Variants in MOXD1 observed in about 807,000 individuals in gnomAD.
MOXD1 encodes the protein DBH-like monooxygenase protein 1.
A neutral mutation model predicts 66.6 loss-of-function variants in MOXD1; 62 were observed. The observed-to-expected ratio is 0.93, with a 90% CI of 0.76 to 1.15. The LOEUF is 1.15. MOXD1 is among the 50% of genes most tolerant of loss of function. The pLI, the probability that MOXD1 is intolerant of heterozygous loss-of-function variation, is 0.00. For synonymous variants in MOXD1, 303 were observed against 281.9 expected (o/e 1.07, Z -0.75); for missense variants, 847 against 754.6 (o/e 1.12, Z -1.44).
chr6:132,298,598 C>A (rs1165866220), intron 10 of MOXD1, among the ~76,000 whole-genome samples: 1 of 151,912 alleles, frequency 6.6e-6, no homozygotes, highest in Non-Finnish European at 1.5e-5. Flanking sequence ...GTGATTTGAT[C>A]AATGCTTCAA....
At chr6:132,370,782 A>T (rs1159805061) in intron 4 of MOXD1, among the ~76,000 whole-genome samples, 5 of 152,174 alleles carry the variant, frequency 3.3e-5, no homozygotes, top group African/African-American at 1.2e-4. Flanking sequence ...ACAGCTATGT[A>T]TTCCCAAAAG....
At chr6:132,384,045 G>C (rs1231233988) in intron 1 of MOXD1, among the ~76,000 whole-genome samples, 1 of 152,178 alleles carries the variant, frequency 6.6e-6, no homozygotes, top group African/African-American at 2.4e-5. Context: ...GTCCAGCCTG[G>C]GCGGCAGAGC....
rs181398451 is a variant in MOXD1 at position 132,392,159 on chromosome 6, T to G, written c.264+9004A>C. ...GGTGTGCTTAAAAGAAGCACATCGT[T>G]AACCACAAAGAATGCTCACTGTTTT... On this transcript the variant is annotated intron_variant, in intron 1 of 11. Transcript: ENST00000367963. 2.7e-4 allele frequency: 412 copies of G among 1,532,560 alleles called. 8 individuals are homozygous for G. The East Asian group carries it at 9.9e-3, about 37-fold the overall frequency. 94.9% of individuals were successfully genotyped at this position (1,532,560 alleles called of 1,614,324 possible).
At chr6:132,373,390 C>A (rs931139974) in intron 2 of MOXD1, among the ~76,000 whole-genome samples, 1 of 152,094 alleles carries the variant, frequency 6.6e-6, no homozygotes, top group African/African-American at 2.4e-5. Flanking sequence ...AAATTAAATG[C>A]CATGGAAGAT....
chr6:132,389,764 G>A (rs944160418), intron 1 of MOXD1, among the ~76,000 whole-genome samples: 1 of 151,448 alleles, frequency 6.6e-6, no homozygotes, highest in Non-Finnish European at 1.5e-5. Context: ...TATCCAAAAG[G>A]ATCTGGGTCT....
At chr6:132,321,092 G>A (rs555814003) in intron 8 of MOXD1, among the ~76,000 whole-genome samples, 57 of 152,094 alleles carry the variant, frequency 3.7e-4, no homozygotes, top group African/African-American at 1.2e-3. Flanking sequence ...TGGTGAAACC[G>A]CGTCTCTACT....
chr6:132,401,215 G>A lies in MOXD1; in HGVS notation c.212C>T (p.Ala71Val). ...CCCGCCCACGACGATGTCGGCGGAC[G>A]CCATGGCCCCGGTGGGCGAGAAGCC... ...GFGFSPTGAM[A>V]SADIVVGGVA... Residue 71 changes from alanine (A) to valine (V), a missense_variant, in exon 1 of 12, where the codon GCG becomes GTG. Physicochemically the swap from Ala to Val is moderately conservative, Grantham distance 64. Transcript: ENST00000367963. The A allele has an allele frequency of 6.4e-7, 1 of 1,567,180 alleles. No homozygotes were observed. Among genetic ancestry groups the A allele is most frequent in the East Asian group, 2.4e-5 (1 of 41,978 alleles).
intron 4 of MOXD1, among the ~76,000 whole-genome samples, chr6:132,369,366 C>A (rs1776217269): frequency 6.6e-6 from 1 of 152,106 alleles, no homozygotes; most frequent in Non-Finnish European, 1.5e-5. Context: ...GTGGCCATAA[C>A]TTTTGCAGTC....
intron 4 of MOXD1, among the ~76,000 whole-genome samples, chr6:132,346,045 GTGT>G (rs1775663054): frequency 6.6e-6 from 1 of 150,854 alleles, no homozygotes; most frequent in Non-Finnish European, 1.5e-5. Context: ...TTTTGTTGTT[GTGT>G]TGTTGTTGTG....
intron 4 of MOXD1, among the ~76,000 whole-genome samples, chr6:132,340,928 G>A (rs1775545763): frequency 6.6e-6 from 1 of 152,006 alleles, no homozygotes; most frequent in Non-Finnish European, 1.5e-5. Context: ...TTACAGGCGT[G>A]AGCCACTGCG....
intron 4 of MOXD1, among the ~76,000 whole-genome samples, chr6:132,357,197 T>C (rs140061715): frequency 2.0e-5 from 3 of 152,178 alleles, no homozygotes; most frequent in Admixed American, 2.0e-4. Context: ...GAAGAAGAAA[T>C]AAATTATCCC....
chr6:132,399,280 C>A (rs1338286784), intron 1 of MOXD1, among the ~76,000 whole-genome samples: 2 of 152,004 alleles, frequency 1.3e-5, no homozygotes, highest in Non-Finnish European at 2.9e-5. Flanking sequence ...AGTAAGAAAA[C>A]GATCATCCTT....
intron 4 of MOXD1, among the ~76,000 whole-genome samples, chr6:132,337,039 G>A (rs906927871): frequency 1.3e-5 from 2 of 152,192 alleles, no homozygotes; most frequent in Non-Finnish European, 2.9e-5. Flanking sequence ...ATACCATCAA[G>A]CAAGCACACA....
chr6:132,308,565 A>G (rs1048763332), intron 10 of MOXD1, among the ~76,000 whole-genome samples: 1 of 152,136 alleles, frequency 6.6e-6, no homozygotes, highest in Admixed American at 6.6e-5. Context: ...GAGACACAAC[A>G]AAAAAAGAAA....
At position 132,328,481 on chromosome 6, in the gene MOXD1, G is replaced by T. The variant is rs768285269; in HGVS notation, c.777C>A (p.His259Gln). Residue 259 changes from histidine (H) to glutamine (Q), a missense_variant, in exon 5 of 12, where the codon CAC becomes CAA. Coordinates refer to ENST00000367963, the MANE Select transcript of MOXD1 (RefSeq NM_015529.4). ...SVLESGHECY[H>Q]PNMPDAFLTC... ...TGAGGAATGCATCGGGCATGTTGGG[G>T]TGATAGCACTCGTGGCCGGACTCCA... is the stretch of plus-strand genomic sequence containing the variant. 2 of 1,614,156 alleles carry T rather than the reference G, an allele frequency of 1.2e-6. No individual in the cohort carries two copies. The highest frequency in any genetic ancestry group is 1.1e-5 in the South Asian group (1 of 91,080).
At chr6:132,343,954 A>G (rs1775616833) in intron 4 of MOXD1, among the ~76,000 whole-genome samples, 2 of 152,158 alleles carry the variant, frequency 1.3e-5, no homozygotes, top group African/African-American at 4.8e-5. Flanking sequence ...TAAAACAAGA[A>G]AGTCATATAT....
chr6:132,378,689 C>T (rs1776444502), intron 1 of MOXD1, among the ~76,000 whole-genome samples: 1 of 151,890 alleles, frequency 6.6e-6, no homozygotes, highest in Admixed American at 6.6e-5. Context: ...CAAAAACCAG[C>T]CAAAGTCATT....
intron 4 of MOXD1, among the ~76,000 whole-genome samples, chr6:132,364,023 T>C (rs1478730464): frequency 6.6e-6 from 1 of 152,022 alleles, no homozygotes; most frequent in Non-Finnish European, 1.5e-5. Context: ...AAGGTTGGAG[T>C]AGACTTGGTT....
chr6:132,383,696 G>T (rs574367732), intron 1 of MOXD1, among the ~76,000 whole-genome samples: 1 of 152,228 alleles, frequency 6.6e-6, no homozygotes, highest in Admixed American at 6.5e-5. Flanking sequence ...TATTTCAGTG[G>T]AAAAAACAAT....
Sources: gnomAD v4.1 joint callset for allele counts (sites outside exome capture counted in the v4.1 genomes callset) on GRCh38, gnomAD v4.1.1 for gene constraint, MANE v1.5 for transcripts, NCBI Gene and HGNC (gene_info 2026-07-23, HGNC 2026-07-21) for gene names.